The following DOCK8 variants were observed in gnomAD, a reference collection of about 807,000 sequenced individuals.
DOCK8 encodes dedicator of cytokinesis 8.
A neutral mutation model predicts 245.6 loss-of-function variants in DOCK8; 141 were observed. The ratio of observed to expected loss-of-function variants is 0.57; its 90% CI spans 0.50 to 0.66. DOCK8 has a LOEUF of 0.66. Ranked by LOEUF, DOCK8 falls within the 30% of genes least tolerant of loss-of-function variation. The pLI is 0.00. For synonymous variants in DOCK8, 1,168 were observed against 970.2 expected (o/e 1.20, Z -3.79); for missense variants, 2,965 against 2,603.4 (o/e 1.14, Z -3.02).
intron 33 of DOCK8, among the ~76,000 whole-genome samples, chr9:423,219 C>A (rs1263938668): frequency 6.6e-6 from 1 of 151,886 alleles, no homozygotes; most frequent in African/African-American, 2.4e-5. Flanking sequence ...AATAAAAAAA[C>A]CTGTTTGGAT....
In DOCK8 at chr9:452,084, A is replaced by T; in HGVS notation, c.6035A>T (p.Lys2012Met). Reference sequence around the variant, plus strand: ...CCAAAACTCTATCGACATCACAACAAGTTGAGGTTATGCTTTAAGGAATTC... The same window carrying T: ...CCAAAACTCTATCGACATCACAACATGTTGAGGTTATGCTTTAAGGAATTC... ...ADPKLYRHHN[K>M]LRLCFKEFIM... The change falls in exon 46 of 48, where the codon AAG becomes ATG. Residue 2012 changes from lysine to methionine, a missense_variant. Transcript: ENST00000432829. The T allele has an allele frequency of 1.2e-6, 2 of 1,610,904 alleles. No individual in the cohort carries two copies. The highest frequency in any genetic ancestry group is 1.7e-6 in the Non-Finnish European group (2 of 1,178,694).
chr9:212,987 T>C (rs1175261342), upstream of DOCK8: 1 of 152,246 alleles, frequency 6.6e-6, no homozygotes, highest in African/African-American at 2.4e-5. Flanking sequence ...CTATGTATCA[T>C]TCGTTGAGTC....
intron 14 of DOCK8, among the ~76,000 whole-genome samples, chr9:354,200 C>T (rs1242508525): frequency 2.6e-5 from 4 of 152,154 alleles, no homozygotes; most frequent in East Asian, 3.9e-4. Flanking sequence ...GCCGTGGTGA[C>T]GGGCGCCTGT....
At chr9:350,147 C>A (rs1414428689) in intron 14 of DOCK8, among the ~76,000 whole-genome samples, 1 of 152,160 alleles carries the variant, frequency 6.6e-6, no homozygotes, top group Non-Finnish European at 1.5e-5. Flanking sequence ...GGATCTTGCT[C>A]TGTCTCCAAG....
intron 1 of DOCK8, among the ~76,000 whole-genome samples, chr9:240,318 A>G (rs929680841): frequency 6.6e-6 from 1 of 152,098 alleles, no homozygotes; most frequent in Non-Finnish European, 1.5e-5. Context: ...TGAGTCAGCA[A>G]ACTTAAAGAT....
At chr9:419,430 T>C (rs1207883088) in intron 30 of DOCK8, among the ~76,000 whole-genome samples, 1 of 152,214 alleles carries the variant, frequency 6.6e-6, no homozygotes, top group Non-Finnish European at 1.5e-5. Flanking sequence ...TGAGGTGGTA[T>C]ATGCCTTTTA....
intron 2 of DOCK8, among the ~76,000 whole-genome samples, chr9:285,383 CA>C (rs146033066): frequency 0.012 from 1,824 of 152,276 alleles, 36 homozygotes; most frequent in African/African-American, 0.041. Flanking sequence ...TGTCTCCCAT[CA>C]AGGCAGTGCA....
chr9:235,505 A>C (rs1404071521), intron 1 of DOCK8, among the ~76,000 whole-genome samples: 2 of 152,214 alleles, frequency 1.3e-5, no homozygotes. Context: ...AGTGGAGCCT[A>C]CAGAGGCAGG....
upstream of DOCK8, chr9:214,675 C>G (rs780921445): frequency 6.3e-7 from 1 of 1,589,946 alleles, no homozygotes; most frequent in African/African-American, 1.3e-5. Flanking sequence ...GTCGGCGGCC[C>G]CGGGCAGAGC....
intron 2 of DOCK8, among the ~76,000 whole-genome samples, chr9:274,342 C>G (rs966482104): frequency 2.0e-5 from 3 of 152,140 alleles, no homozygotes; most frequent in Non-Finnish European, 2.9e-5. Context: ...ATATATTACT[C>G]CCAGTTATTC....
At chr9:302,270 T>C (rs547437115) in intron 4 of DOCK8, among the ~76,000 whole-genome samples, 3 of 152,338 alleles carry the variant, frequency 2.0e-5, no homozygotes, top group East Asian at 3.9e-4. Context: ...ATTCAATAAA[T>C]GGTGCTGGAG....
intron 1 of DOCK8, among the ~76,000 whole-genome samples, chr9:230,860 A>G (rs368764787): frequency 6.6e-6 from 1 of 151,918 alleles, no homozygotes; most frequent in South Asian, 2.1e-4. Flanking sequence ...TTGCCTGTTC[A>G]CTCTGATGGT....
intron 4 of DOCK8, among the ~76,000 whole-genome samples, chr9:300,271 A>G (rs943981300): frequency 6.6e-6 from 1 of 152,176 alleles, no homozygotes; most frequent in Non-Finnish European, 1.5e-5. Context: ...CAGAGTTATA[A>G]ACTTTGTATT....
intron 1 of DOCK8, among the ~76,000 whole-genome samples, chr9:216,803 G>T (rs1290013458): frequency 1.3e-5 from 2 of 152,108 alleles, no homozygotes; most frequent in African/African-American, 4.8e-5. Context: ...GTTGATCTGG[G>T]GTGAGTGGCC....
At chr9:461,786 C>G (rs1372290217) in intron 46 of DOCK8, among the ~76,000 whole-genome samples, 1 of 151,940 alleles carries the variant, frequency 6.6e-6, no homozygotes, top group Admixed American at 6.6e-5. Context: ...AGGCAATCCA[C>G]CCACCTTAGC....
In DOCK8 at chr9:399,267, T is replaced by TCCCC; in HGVS notation, c.3234+12_3234+15dup. 12 of 1,534,400 alleles carry TCCCC rather than the reference T, an allele frequency of 7.8e-6. No homozygotes were observed. Among genetic ancestry groups the TCCCC allele is most frequent in the South Asian group, 2.3e-5 (2 of 87,634 alleles). ...AGACATTATTGCAGCCAGGTGAGTGTCCCCCCCACCCCCACCCCCGAGCGA... is the reference window on the plus strand; with the variant it reads ...AGACATTATTGCAGCCAGGTGAGTGTCCCCCCCCCCCACCCCCACCCCCGAGCGA... On this transcript the variant is annotated intron_variant, in intron 26 of 47. Transcript: ENST00000432829.
rs143195000 is a variant in DOCK8, at chr9:279,359, A to C, written c.157-7102A>C. On this transcript the variant is annotated intron_variant, in intron 2 of 47. Transcript: ENST00000432829. ...TGGCAGAAGTTGAGGCTGCAGATAT[A>C]AACTTGTAATTTTAAAAATGTATAT... is the stretch of plus-strand genomic sequence containing the variant. 1.9e-3 allele frequency among the ~76,000 whole-genome samples: 287 copies of C among 152,358 alleles called. 2 individuals carry two copies. The highest frequency in any genetic ancestry group is 6.8e-3 in the African/African-American group (282 of 41,584).
At chr9:405,370 G>C (rs1047116276) in intron 27 of DOCK8, among the ~76,000 whole-genome samples, 4 of 152,138 alleles carry the variant, frequency 2.6e-5, no homozygotes, top group African/African-American at 9.7e-5. Flanking sequence ...TCCTTTGTCT[G>C]ACATTAGCCA....
In DOCK8 at chr9:312,259, C is replaced by G. The variant is rs1171768255; in HGVS notation, c.741+93C>G. On this transcript the variant is annotated intron_variant, in intron 6 of 47. Transcript: ENST00000432829. Reference sequence around the variant, plus strand: ...TTGTTCATTATTACTATATAGCAGCCCATGGTGTCAGGGCTCACTTGTATG... The same window carrying G: ...TTGTTCATTATTACTATATAGCAGCGCATGGTGTCAGGGCTCACTTGTATG... The G allele has an allele frequency of 2.8e-6, 4 of 1,445,680 alleles. No individual in the cohort carries two copies. In the African/African-American group the frequency reaches 4.2e-5, roughly 15 times the overall value. 89.6% of individuals were successfully genotyped at this position (1,445,680 alleles called of 1,614,324 possible).
Sources: gnomAD v4.1 joint callset for allele counts (sites outside exome capture counted in the v4.1 genomes callset) on GRCh38, gnomAD v4.1.1 for gene constraint, MANE v1.5 for transcripts, NCBI Gene and HGNC (gene_info 2026-07-23, HGNC 2026-07-21) for gene names.